The following CSMD1 variants were observed in gnomAD, a reference collection of about 807,000 sequenced individuals.
CSMD1 encodes CUB and Sushi multiple domains 1, also known as CUB and sushi domain-containing protein 1.
CSMD1 carries 213 observed loss-of-function variants against 417.5 expected under a neutral mutation model. The observed-to-expected ratio is 0.51, with a 90% CI of 0.46 to 0.57. The LOEUF (loss-of-function observed/expected upper bound fraction) is 0.57, where lower values mean the gene tolerates loss of function less well. CSMD1 is among the 20% of genes least tolerant of loss of function. The pLI is 0.00. For synonymous variants in CSMD1, 2,862 were observed against 1,736.8 expected (o/e 1.65, Z -16.11); for missense variants, 6,923 against 4,529.7 (o/e 1.53, Z -15.17).
chr8:4,106,639 T>C (rs1801582672), intron 3 of CSMD1, among the ~76,000 whole-genome samples: 2 of 152,254 alleles, frequency 1.3e-5, no homozygotes, highest in South Asian at 4.1e-4. Context: ...CAAAATGTGA[T>C]GTTGATAGGT....
At chr8:3,101,428 C>G (rs187784266) in intron 46 of CSMD1, among the ~76,000 whole-genome samples, 17 of 152,264 alleles carry the variant, frequency 1.1e-4, no homozygotes, top group African/African-American at 3.8e-4. Flanking sequence ...ATAAGGCTGA[C>G]TACTTTTTTT....
chr8:3,599,646 C>G (rs2117071634), intron 8 of CSMD1, among the ~76,000 whole-genome samples: 1 of 152,300 alleles, frequency 6.6e-6, no homozygotes, highest in East Asian at 1.9e-4. Context: ...GTTTATTCAT[C>G]CTATGTAACT....
intron 3 of CSMD1, among the ~76,000 whole-genome samples, chr8:4,093,615 G>C (rs182555282): frequency 9.9e-5 from 15 of 152,212 alleles, no homozygotes; most frequent in Non-Finnish European, 2.2e-4. Flanking sequence ...CTATTTGAAA[G>C]TCGAATTTAA....
intron 3 of CSMD1, among the ~76,000 whole-genome samples, chr8:4,358,668 A>G (rs1801575290): frequency 1.3e-5 from 2 of 152,182 alleles, no homozygotes; most frequent in African/African-American, 2.4e-5. Context: ...CTAACTTGGT[A>G]TTTTGCATAC....
In CSMD1 at chr8:2,936,510, G is replaced by A. The variant is rs971416011; in HGVS notation, c.*2075C>T. On this transcript the variant is annotated 3_prime_UTR_variant, in exon 70 of 70. Transcript: ENST00000635120. Reference sequence around the variant, plus strand: ...GTGTGTTAGGAGCACGACTCCCGCTGACCTCGTCCCGTCTACTGTGAAACA... The same window carrying A: ...GTGTGTTAGGAGCACGACTCCCGCTAACCTCGTCCCGTCTACTGTGAAACA... 3.3e-5 allele frequency: 5 copies of A among 152,176 alleles called. No individual in the cohort carries two copies. Among genetic ancestry groups the A allele is most frequent in the African/African-American group, 9.6e-5 (4 of 41,520 alleles). The allele number at this position is 152,176 out of a possible 1,614,324, so 9.4% of individuals were successfully genotyped here.
chr8:3,827,066 G>A (rs1254164709), intron 5 of CSMD1, among the ~76,000 whole-genome samples: 2 of 152,114 alleles, frequency 1.3e-5, no homozygotes, highest in Non-Finnish European at 2.9e-5. Flanking sequence ...ATAGGCATGA[G>A]CCACCAAGCC....
At chr8:4,732,781 C>T (rs1021672867) in intron 1 of CSMD1, among the ~76,000 whole-genome samples, 1 of 152,150 alleles carries the variant, frequency 6.6e-6, no homozygotes, top group African/African-American at 2.4e-5. Context: ...TAATTGTGCC[C>T]AAATCCTCCA....
At chr8:3,331,382 AG>A (rs1806887639) in intron 23 of CSMD1, among the ~76,000 whole-genome samples, 1 of 152,252 alleles carries the variant, frequency 6.6e-6, no homozygotes, top group Non-Finnish European at 1.5e-5. Context: ...GTTTGCTAAC[AG>A]TGGCCATGAG....
intron 34 of CSMD1, among the ~76,000 whole-genome samples, chr8:3,189,571 T>C (rs1166907713): frequency 1.3e-5 from 2 of 152,196 alleles, no homozygotes; most frequent in African/African-American, 2.4e-5. Flanking sequence ...CACCAATTTA[T>C]TAAAAGGACG....
intron 31 of CSMD1, among the ~76,000 whole-genome samples, chr8:3,202,426 C>G (rs1797038134): frequency 6.6e-6 from 1 of 152,158 alleles, no homozygotes; most frequent in Non-Finnish European, 1.5e-5. Context: ...ATGTATCCTA[C>G]AGGTTATGAA....
At chr8:4,043,633 ATTT>A (rs1437142057) in intron 3 of CSMD1, among the ~76,000 whole-genome samples, 2 of 152,204 alleles carry the variant, frequency 1.3e-5, no homozygotes, top group African/African-American at 4.8e-5. Flanking sequence ...GACGAAATGC[ATTT>A]TTTAATTCTA....
intron 7 of CSMD1, among the ~76,000 whole-genome samples, chr8:3,705,694 A>T (rs1183157657): frequency 6.6e-6 from 1 of 152,208 alleles, no homozygotes; most frequent in East Asian, 1.9e-4. Flanking sequence ...TCCGCAACAA[A>T]ACCCTTAGTT....
intron 1 of CSMD1, among the ~76,000 whole-genome samples, chr8:4,927,353 C>G (rs576309569): frequency 2.0e-5 from 3 of 151,982 alleles, no homozygotes; most frequent in African/African-American, 7.3e-5. Context: ...CCACCACGCC[C>G]GGCCAAATGC....
chr8:4,257,208 G>T (rs202187188), intron 3 of CSMD1, among the ~76,000 whole-genome samples: 1 of 141,762 alleles, frequency 7.1e-6, no homozygotes. Flanking sequence ...AAGCATGAGA[G>T]TTTTATTGAA....
chr8:3,008,283 C>T (rs1040324540), intron 52 of CSMD1, among the ~76,000 whole-genome samples: 1 of 152,178 alleles, frequency 6.6e-6, no homozygotes, highest in Non-Finnish European at 1.5e-5. Flanking sequence ...TGGCTGAATT[C>T]CCTTTGTGAG....
chr8:3,443,289 G>A (rs1815105515), intron 12 of CSMD1, among the ~76,000 whole-genome samples: 1 of 152,118 alleles, frequency 6.6e-6, no homozygotes, highest in Non-Finnish European at 1.5e-5. Context: ...ATAAACTGTG[G>A]CCTCTCCATC....
intron 1 of CSMD1, among the ~76,000 whole-genome samples, chr8:4,782,187 T>G (rs1042014214): frequency 2.6e-5 from 4 of 152,160 alleles, no homozygotes; most frequent in African/African-American, 9.6e-5. Flanking sequence ...GTTCTGCTGT[T>G]CTATTGCACA....
At chr8:4,244,274 C>T (rs998295099) in intron 3 of CSMD1, among the ~76,000 whole-genome samples, 1 of 152,118 alleles carries the variant, frequency 6.6e-6, no homozygotes, top group Non-Finnish European at 1.5e-5. Flanking sequence ...TGAGAGCAGG[C>T]CCCCGGGTCT....
At chr8:3,671,528 CATAT>C (rs1278729666) in intron 7 of CSMD1, among the ~76,000 whole-genome samples, 6 of 50,218 alleles carry the variant, frequency 1.2e-4, no homozygotes, top group South Asian at 7.8e-4. Flanking sequence ...TATATATGAT[CATAT>C]ATATATATAT....
Sources: allele counts gnomAD v4.1 joint callset (sites outside exome capture counted in the v4.1 genomes callset), GRCh38; gene constraint gnomAD v4.1.1; transcripts MANE v1.5; gene names NCBI Gene and HGNC (gene_info 2026-07-23, HGNC 2026-07-21).